DLGAP1: variants seen among roughly 807,000 people sequenced by gnomAD.
The protein encoded by DLGAP1 is DLG associated protein 1.
Under a neutral mutation model 90.8 loss-of-function variants are expected in DLGAP1, and 11 were observed. That is an observed-to-expected ratio of 0.12 (90% CI 0.08 to 0.20). The LOEUF is 0.20. Among genes scored for constraint, DLGAP1 ranks in the 10% least tolerant of loss-of-function variants. DLGAP1 has a pLI of 1.00. For synonymous variants in DLGAP1, 558 were observed against 540.7 expected, an observed-to-expected ratio of 1.03 and a Z score of -0.44; for missense variants, 1,050 against 1,333.8, an observed-to-expected ratio of 0.79 and a Z score of 3.31.
chr18:4,016,718 G>C (rs2074529072), intron 2 of DLGAP1, among the ~76,000 whole-genome samples: 1 of 152,192 alleles, frequency 6.6e-6, no homozygotes, highest in Non-Finnish European at 1.5e-5. Context: ...TGGTAGACCA[G>C]AAGTGTGATA....
intron 5 of DLGAP1, among the ~76,000 whole-genome samples, chr18:3,767,781 T>C (rs2064321293): frequency 1.3e-5 from 2 of 152,116 alleles, no homozygotes; most frequent in South Asian, 4.1e-4. Context: ...TTCAATTTGA[T>C]AAGGAACATC....
intron 3 of DLGAP1, among the ~76,000 whole-genome samples, chr18:3,958,387 A>T (rs760206900): frequency 4.0e-5 from 6 of 150,566 alleles, no homozygotes; most frequent in Non-Finnish European, 7.4e-5. Flanking sequence ...AAGAAGCAGG[A>T]CTTTGGGGAC....
At chr18:3,957,496 A>G (rs1009886065) in intron 3 of DLGAP1, among the ~76,000 whole-genome samples, 2 of 152,182 alleles carry the variant, frequency 1.3e-5, no homozygotes, top group Non-Finnish European at 2.9e-5. Context: ...CATTCAGGGG[A>G]TGACACGTTC....
intron 1 of DLGAP1, among the ~76,000 whole-genome samples, chr18:4,343,232 A>G (rs368602678): frequency 1.5e-4 from 22 of 151,246 alleles, no homozygotes; most frequent in Admixed American, 2.7e-4. Context: ...GCGTGAACCC[A>G]GGAGGCAGAG....
chr18:4,315,509 C>G (rs1219930461), intron 1 of DLGAP1, among the ~76,000 whole-genome samples: 1 of 152,158 alleles, frequency 6.6e-6, no homozygotes, highest in Non-Finnish European at 1.5e-5. Flanking sequence ...CTCTAAATTA[C>G]CTCAATTGCT....
At chr18:3,899,870 A>G (rs1453969639) in intron 3 of DLGAP1, among the ~76,000 whole-genome samples, 2 of 152,190 alleles carry the variant, frequency 1.3e-5, no homozygotes, top group African/African-American at 2.4e-5. Flanking sequence ...TCACCTTTTT[A>G]AAAACATGAT....
intron 5 of DLGAP1, among the ~76,000 whole-genome samples, chr18:3,743,548 G>T (rs2063145613): frequency 6.6e-6 from 1 of 151,936 alleles, no homozygotes; most frequent in Non-Finnish European, 1.5e-5. Flanking sequence ...TAGAGACGGG[G>T]TTTCACAGTG....
chr18:3,611,197 A>G (rs1599534279), intron 7 of DLGAP1, among the ~76,000 whole-genome samples: 1 of 151,920 alleles, frequency 6.6e-6, no homozygotes, highest in South Asian at 2.1e-4. Flanking sequence ...ATAGACTCAA[A>G]TTATCAAGGC....
At chr18:3,814,006 G>C (rs2066968552) in intron 5 of DLGAP1, 53 bp downstream of exon 5, 2 of 1,570,108 alleles carry the variant, frequency 1.3e-6, no homozygotes, top group East Asian at 4.5e-5. Context: ...TCTGAGCCTC[G>C]GTGATAATAC....
chr18:4,145,725 G>GA (rs927677796), intron 2 of DLGAP1, among the ~76,000 whole-genome samples: 1 of 152,102 alleles, frequency 6.6e-6, no homozygotes, highest in African/African-American at 2.4e-5. Context: ...AGAACGAGAA[G>GA]AAAAAAATGA....
intron 2 of DLGAP1, among the ~76,000 whole-genome samples, chr18:4,118,383 C>T (rs1043449115): frequency 6.6e-6 from 1 of 152,064 alleles, no homozygotes; most frequent in Non-Finnish European, 1.5e-5. Context: ...GTGTGTGTGG[C>T]CTGTACCTTC....
At chr18:4,053,458 G>C (rs2075165801) in intron 2 of DLGAP1, among the ~76,000 whole-genome samples, 1 of 152,180 alleles carries the variant, frequency 6.6e-6, no homozygotes, top group South Asian at 2.1e-4. Flanking sequence ...CCCATGACAT[G>C]TGAAGATTAT....
chr18:4,324,768 C>A lies in DLGAP1; in HGVS notation c.-267+130238G>T, dbSNP rs530503988. On this transcript the variant is annotated intron_variant, in intron 1 of 12. Transcript: ENST00000315677. ...CATAAACAACTAAAAACAAAAACCA[C>A]ATGATTACCTTAATTGATGCAGAAA... Among the ~76,000 whole-genome samples the A allele has an allele frequency of 7.2e-5, 3 of 41,560 alleles. No individual in the cohort carries two copies. The South Asian group carries it at 1.7e-3, about 23-fold the overall frequency. The allele number at this position is 41,560 out of a possible 152,430, so 27.3% of individuals were successfully genotyped here. A position where few individuals can be genotyped will look rare whatever the true frequency, so the allele number is the denominator to read the frequency against.
intron 2 of DLGAP1, among the ~76,000 whole-genome samples, chr18:4,055,662 G>T (rs1598316541): frequency 1.3e-5 from 2 of 152,108 alleles, no homozygotes; most frequent in African/African-American, 4.8e-5. Flanking sequence ...ACGACTAACT[G>T]TAAATAAGGC....
At chr18:3,792,563 C>A (rs1400549029) in intron 5 of DLGAP1, among the ~76,000 whole-genome samples, 1 of 152,160 alleles carries the variant, frequency 6.6e-6, no homozygotes, top group Non-Finnish European at 1.5e-5. Flanking sequence ...CTTCTCTCAA[C>A]CCCTTCTGCA....
intron 1 of DLGAP1, among the ~76,000 whole-genome samples, chr18:4,304,380 A>T (rs1270476663): frequency 2.0e-5 from 3 of 152,214 alleles, no homozygotes; most frequent in Non-Finnish European, 4.4e-5. Context: ...ATTAGAAACA[A>T]TTATTCAAAA....
chr18:4,382,181 C>T (rs2082138336), intron 1 of DLGAP1, among the ~76,000 whole-genome samples: 1 of 152,100 alleles, frequency 6.6e-6, no homozygotes, highest in African/African-American at 2.4e-5. Flanking sequence ...GTTCTTATGT[C>T]ACCCAGTACA....
intron 1 of DLGAP1, among the ~76,000 whole-genome samples, chr18:4,247,898 GT>G (rs1317891005): frequency 6.6e-6 from 1 of 152,128 alleles, no homozygotes; most frequent in South Asian, 2.1e-4. Flanking sequence ...TTTAACCTAG[GT>G]TTTCACTCTT....
intron 9 of DLGAP1, among the ~76,000 whole-genome samples, chr18:3,561,863 A>C (rs1173667351): frequency 6.6e-6 from 1 of 150,982 alleles, no homozygotes; most frequent in Non-Finnish European, 1.5e-5. Flanking sequence ...TGGGACTTAC[A>C]GTTCCATGTG....
Sources: allele counts gnomAD v4.1 joint callset (sites outside exome capture counted in the v4.1 genomes callset), GRCh38; gene constraint gnomAD v4.1.1; transcripts MANE v1.5; gene names NCBI Gene and HGNC (gene_info 2026-07-23, HGNC 2026-07-21).